PKNOX2: variants seen among roughly 807,000 people sequenced by gnomAD.
PKNOX2 encodes homeobox protein PKNOX2.
In PKNOX2, 14 loss-of-function variants were observed where a neutral mutation model predicts 53.1. The ratio of observed to expected loss-of-function variants is 0.26; its 90% CI spans 0.17 to 0.41. The LOEUF is 0.41. PKNOX2 is among the 10% of genes least tolerant of loss of function. The pLI is 1.00. For synonymous variants in PKNOX2, 257 were observed against 242.8 expected (o/e 1.06, Z -0.54); for missense variants, 496 against 602.8 (o/e 0.82, Z 1.85).
chr11:125,224,647 T>A (rs889823939), intron 1 of PKNOX2, among the ~76,000 whole-genome samples: 1 of 152,206 alleles, frequency 6.6e-6, no homozygotes, highest in Non-Finnish European at 1.5e-5. Context: ...TGGAAACAAA[T>A]GCTCTTTCAG....
At chr11:125,375,586 G>A (rs1952786690) in intron 5 of PKNOX2, among the ~76,000 whole-genome samples, 1 of 152,216 alleles carries the variant, frequency 6.6e-6, no homozygotes, top group Admixed American at 6.5e-5. Flanking sequence ...AAATGAGAAT[G>A]AGAAGCCCGT....
chr11:125,175,912 TG>T (rs1431827640), intron 1 of PKNOX2, among the ~76,000 whole-genome samples: 1 of 152,054 alleles, frequency 6.6e-6, no homozygotes, highest in Non-Finnish European at 1.5e-5. Context: ...ATGTAATACG[TG>T]GGGGAGAAAA....
At chr11:125,372,400 G>T (rs1350954718) in intron 5 of PKNOX2, among the ~76,000 whole-genome samples, 2 of 152,218 alleles carry the variant, frequency 1.3e-5, no homozygotes, top group South Asian at 2.1e-4. Flanking sequence ...CATCTTACAG[G>T]CCAGTTCTTT....
intron 1 of PKNOX2, among the ~76,000 whole-genome samples, chr11:125,172,730 A>G (rs931202416): frequency 3.3e-5 from 5 of 152,120 alleles, no homozygotes; most frequent in Non-Finnish European, 5.9e-5. Flanking sequence ...GTGGCTAGGC[A>G]ATCATTAAAA....
In PKNOX2 at chr11:125,431,249, G is replaced by A. The variant is rs750944288; in HGVS notation, c.1276G>A (p.Asp426Asn). 8.7e-6 allele frequency: 14 copies of A among 1,613,688 alleles called. No homozygotes were observed. The highest frequency in any genetic ancestry group is 2.2e-5 in the East Asian group (1 of 44,892). The change falls in exon 13 of 13, where the codon GAT (aspartate) becomes AAT (asparagine). Residue 426 changes from aspartate (D) to asparagine (N), a missense_variant. By Grantham distance (23) the Asp-to-Asn change is conservative. Around this residue, in one of 5 missense-constraint regions of PKNOX2, gnomAD observed 139 missense variants for 161.3 expected, o/e 0.86. Transcript: ENST00000298282. The stretch of plus-strand genomic sequence containing the variant: ...GCAGCAGGCTATGATGGCTGCACAC[G>A]ATGACTCATTGGATGGGACAGAAGA... ...AMQQAMMAAHDDSLDGTEEED... is the reference protein window; with the variant it reads ...AMQQAMMAAHNDSLDGTEEED...
chr11:125,203,555 G>A (rs1248226982), intron 1 of PKNOX2, among the ~76,000 whole-genome samples: 1 of 152,158 alleles, frequency 6.6e-6, no homozygotes, highest in Non-Finnish European at 1.5e-5. Flanking sequence ...TTGGGGACAG[G>A]ACTGCAAGGC....
rs757057045 is a variant in PKNOX2, at chr11:125,367,980, A to G, written c.222A>G (p.Val74=). 2.0e-5 allele frequency: 33 copies of G among 1,612,710 alleles called. No individual in the cohort carries two copies. In the South Asian group the frequency reaches 3.4e-4, roughly 17 times the overall value. Residue 74 remains valine, a synonymous_variant, in exon 5 of 13, where the codon GTA becomes GTG. Transcript: ENST00000298282. The stretch of plus-strand genomic sequence containing the variant: ...AGCTGGAGGCTGACAAGCGAGCTGT[A>G]TACAGGTAGGAGACACTTCAGCTGT... ...QAQLEADKRA[V]YRHPLFPLLT...
At chr11:125,300,575 A>AAGAGAGAC (rs979270604) in intron 2 of PKNOX2, among the ~76,000 whole-genome samples, 1 of 152,090 alleles carries the variant, frequency 6.6e-6, no homozygotes, top group Non-Finnish European at 1.5e-5. Context: ...GAGAGAGAAA[A>AAGAGAGAC]AGAGAGACAG....
intron 1 of PKNOX2, among the ~76,000 whole-genome samples, chr11:125,185,157 A>G (rs1205530693): frequency 7.9e-5 from 12 of 152,244 alleles, no homozygotes; most frequent in Admixed American, 7.8e-4. Context: ...CCTTGTCCTC[A>G]GCCCTGCAGC....
chr11:125,310,268 G>A (rs544364944), intron 2 of PKNOX2, among the ~76,000 whole-genome samples: 8 of 151,948 alleles, frequency 5.3e-5, no homozygotes, highest in Admixed American at 6.6e-5. Context: ...AGGCTGAGGC[G>A]GGTGGATCAC....
intron 2 of PKNOX2, among the ~76,000 whole-genome samples, chr11:125,300,203 C>G (rs184458250): frequency 2.0e-5 from 3 of 152,172 alleles, no homozygotes; most frequent in Admixed American, 1.3e-4. Context: ...CAAAGGTGGC[C>G]GAGCCTAAGG....
At chr11:125,337,247 G>A (rs1206067123) in intron 3 of PKNOX2, among the ~76,000 whole-genome samples, 1 of 152,180 alleles carries the variant, frequency 6.6e-6, no homozygotes, top group Non-Finnish European at 1.5e-5. Flanking sequence ...GGCTGCTGTG[G>A]AAGAACCTTC....
At chr11:125,254,758 G>A (rs535153613) in intron 2 of PKNOX2, among the ~76,000 whole-genome samples, 1 of 152,240 alleles carries the variant, frequency 6.6e-6, no homozygotes, top group South Asian at 2.1e-4. Flanking sequence ...TTCCAGAGCT[G>A]AGCCCTGTTC....
chr11:125,172,840 G>A (rs147062593), intron 1 of PKNOX2, among the ~76,000 whole-genome samples: 235 of 152,356 alleles, frequency 1.5e-3, no homozygotes, highest in Middle Eastern at 3.4e-3. Flanking sequence ...GACAGTGGGG[G>A]CCTAGGGGTT....
intron 2 of PKNOX2, among the ~76,000 whole-genome samples, chr11:125,244,381 T>C (rs1943402652): frequency 6.6e-6 from 1 of 152,148 alleles, no homozygotes; most frequent in South Asian, 2.1e-4. Flanking sequence ...GTTCTCCACC[T>C]GGGGATGCAG....
chr11:125,363,421 A>G (rs1028685213), intron 4 of PKNOX2, among the ~76,000 whole-genome samples: 8 of 152,212 alleles, frequency 5.3e-5, no homozygotes, highest in African/African-American at 1.9e-4. Context: ...GTCCCAAAAC[A>G]CGTAGCTAAT....
chr11:125,228,160 C>T (rs993022283), intron 1 of PKNOX2, among the ~76,000 whole-genome samples: 12 of 152,324 alleles, frequency 7.9e-5, no homozygotes, highest in African/African-American at 2.9e-4. Flanking sequence ...GCACAACCTT[C>T]CACGATGACA....
At chr11:125,311,318 C>T (rs967656675) in intron 2 of PKNOX2, among the ~76,000 whole-genome samples, 1 of 152,104 alleles carries the variant, frequency 6.6e-6, no homozygotes, top group Non-Finnish European at 1.5e-5. Flanking sequence ...GAAATCCAAC[C>T]CCACCAATAT....
intron 2 of PKNOX2, among the ~76,000 whole-genome samples, chr11:125,253,356 C>T (rs1463002822): frequency 6.6e-6 from 1 of 152,152 alleles, no homozygotes; most frequent in Non-Finnish European, 1.5e-5. Context: ...TGGGCCTCCC[C>T]TGTGGCAGTT....
Sources: allele counts gnomAD v4.1 joint callset (sites outside exome capture counted in the v4.1 genomes callset), GRCh38; gene constraint gnomAD v4.1.1; regional missense constraint gnomAD v4.1.1; transcripts MANE v1.5; gene names NCBI Gene and HGNC (gene_info 2026-07-23, HGNC 2026-07-21).